The following RGPD8 variants were observed in gnomAD, a reference collection of about 807,000 sequenced individuals.
RGPD8 encodes RANBP2 like and GRIP domain containing 8.
A neutral mutation model predicts 89.1 loss-of-function variants in RGPD8; 15 were observed. The observed-to-expected ratio is 0.17, with a 90% CI of 0.11 to 0.26. The LOEUF (loss-of-function observed/expected upper bound fraction) is 0.26. Ranked by LOEUF, RGPD8 falls within the 10% of genes least tolerant of loss-of-function variation. RGPD8 has a pLI of 1.00. For missense variants in RGPD8, 178 were observed against 1,179.6 expected, an observed-to-expected ratio of 0.15 and a Z score of 12.44; for synonymous variants, 62 against 420.9, an observed-to-expected ratio of 0.15 and a Z score of 10.44.
intron 20 of RGPD8, among the ~76,000 whole-genome samples, chr2:112,382,187 C>T (rs1344512980): frequency 6.6e-6 from 1 of 152,306 alleles, no homozygotes; most frequent in Admixed American, 6.5e-5. Context: ...TGGACTGGCT[C>T]TCGTTGCTCC....
intron 3 of RGPD8, 134 bp from the exon 4 acceptor site, chr2:112,422,246 T>A (rs1346399804): frequency 1.8e-5 from 3 of 163,002 alleles, no homozygotes; most frequent in Admixed American, 1.4e-4. Flanking sequence ...GAAAACATGT[T>A]ACTTTAAAGG....
chr2:112,381,958 G>A (rs544296874), intron 20 of RGPD8, among the ~76,000 whole-genome samples: 1 of 152,306 alleles, frequency 6.6e-6, no homozygotes, highest in Admixed American at 6.5e-5. Flanking sequence ...TGTCTGTGAG[G>A]GTGTTGCCAA....
intron 7 of RGPD8, among the ~76,000 whole-genome samples, chr2:112,408,834 G>C (rs1679052197): frequency 6.6e-6 from 1 of 151,916 alleles, no homozygotes; most frequent in Admixed American, 6.5e-5. Context: ...ACCATGCGTG[G>C]CTAATTTTTG....
chr2:112,379,546 G>T (rs1678209819), intron 21 of RGPD8, among the ~76,000 whole-genome samples: 1 of 147,778 alleles, frequency 6.8e-6, no homozygotes, highest in African/African-American at 2.5e-5. Context: ...AGTGAGCTGA[G>T]ATTGCACCAC....
rs1466903324 is a variant in RGPD8, at chr2:112,369,932, T to TA, written c.*245dup. ...AGCATGCATGGGAGATCACATGAGTTAGAGGGCTGTGGCCTGGTATCAACA... is the reference window on the plus strand; with the variant it reads ...AGCATGCATGGGAGATCACATGAGTTAAGAGGGCTGTGGCCTGGTATCAACA... On this transcript the variant is annotated 3_prime_UTR_variant, in exon 23 of 23. Coordinates refer to ENST00000302558, the MANE Select transcript of RGPD8 (RefSeq NM_001164463.1). Among the ~76,000 whole-genome samples, 10 of 73,952 alleles carry TA rather than the reference T, an allele frequency of 1.4e-4. No individual in the cohort carries two copies. The highest frequency in any genetic ancestry group is 2.2e-4 in the Non-Finnish European group (9 of 40,932). The allele number at this position is 73,952 out of a possible 152,430, so 48.5% of individuals were successfully genotyped here.
At chr2:112,402,503 G>GAAAAGAAAAGAA (rs1678904299) in intron 9 of RGPD8, among the ~76,000 whole-genome samples, 1 of 151,882 alleles carries the variant, frequency 6.6e-6, no homozygotes, top group South Asian at 2.1e-4. Flanking sequence ...AACAAGAAAA[G>GAAAAGAAAAGAA]AAAAGAAAAG....
In RGPD8 at chr2:112,433,474, C is replaced by T. The variant is rs1243043804; in HGVS notation, c.-21G>A. 7 of 1,604,244 alleles carry T rather than the reference C, an allele frequency of 4.4e-6. No individual in the cohort carries two copies. The Middle Eastern group carries it at 6.8e-4, about 156-fold the overall frequency. ...CTCATCGCGCCGCCAACCTGGCTCC[C>T]GAGACGCGTGCGAGCACCGCTCAGC... On this transcript the variant is annotated 5_prime_UTR_variant, in exon 1 of 23. Coordinates refer to ENST00000302558, the MANE Select transcript of RGPD8 (RefSeq NM_001164463.1).
chr2:112,415,812 G>A (rs1679378800), intron 6 of RGPD8, among the ~76,000 whole-genome samples: 1 of 146,750 alleles, frequency 6.8e-6, no homozygotes, highest in African/African-American at 2.5e-5. Context: ...GAACCCAGGA[G>A]GCAGAGGTTG....
At chr2:112,427,559 C>T (rs867946420) in intron 1 of RGPD8, among the ~76,000 whole-genome samples, 1,875 of 152,142 alleles carry the variant, frequency 0.012, 37 homozygotes, top group African/African-American at 0.043. Flanking sequence ...GCCACATCAT[C>T]GCTATCTTGC....
rs1388599542 is a variant in RGPD8, at chr2:112,432,543, G to T, written c.72+839C>A. ...TGAGATGCCTACCTTGTCACTCGAC[G>T]CAGCCGCCAAAGCTCACCCGGAGCT... On this transcript the variant is annotated intron_variant, in intron 1 of 22. Transcript: ENST00000302558. 3 of 985,230 alleles carry T rather than the reference G, an allele frequency of 3.0e-6. No homozygotes were observed. The South Asian group carries it at 1.4e-4, about 46-fold the overall frequency. The allele number at this position is 985,230 out of a possible 1,614,324, so 61.0% of individuals were successfully genotyped here. A position where few individuals can be genotyped will look rare whatever the true frequency, so the allele number is the denominator to read the frequency against.
chr2:112,431,859 C>T (rs1286101536), intron 1 of RGPD8, among the ~76,000 whole-genome samples: 2 of 152,268 alleles, frequency 1.3e-5, no homozygotes, highest in East Asian at 1.9e-4. Context: ...AGGCTGGTCT[C>T]GAACTCCTGA....
At chr2:112,377,524 G>T (rs1678157472) in intron 22 of RGPD8, among the ~76,000 whole-genome samples, 1 of 93,170 alleles carries the variant, frequency 1.1e-5, no homozygotes, top group South Asian at 5.4e-4. Context: ...TGATCCGCCT[G>T]CCTCGGCCTC....
intron 22 of RGPD8, among the ~76,000 whole-genome samples, chr2:112,370,439 G>A (rs1192926194): frequency 9.4e-5 from 10 of 105,868 alleles, no homozygotes; most frequent in Admixed American, 6.4e-4. Flanking sequence ...GTGGCGTGAT[G>A]AGACTTCAAT....
intron 6 of RGPD8, among the ~76,000 whole-genome samples, chr2:112,416,222 A>G (rs1240375805): frequency 9.2e-5 from 14 of 152,250 alleles, no homozygotes; most frequent in Non-Finnish European, 1.8e-4. Flanking sequence ...ACAAAATAAA[A>G]CATCCTACAT....
chr2:112,419,655 T>C (rs1279522133), intron 4 of RGPD8, among the ~76,000 whole-genome samples: 2 of 151,876 alleles, frequency 1.3e-5, no homozygotes, highest in African/African-American at 4.8e-5. Flanking sequence ...AAAGAAAATC[T>C]TTAAAGAGTG....
chr2:112,431,710 C>T (rs909091331), intron 1 of RGPD8, among the ~76,000 whole-genome samples: 1 of 150,990 alleles, frequency 6.6e-6, no homozygotes, highest in African/African-American at 2.4e-5. Flanking sequence ...GATCTCGGCT[C>T]ACTAGAACCT....
intron 1 of RGPD8, among the ~76,000 whole-genome samples, chr2:112,429,728 G>A (rs71414642): frequency 0.13 from 20,247 of 152,182 alleles, 1,505 homozygotes; most frequent in Non-Finnish European, 0.16. Flanking sequence ...TGCAGAATAA[G>A]AAATCGACTT....
intron 1 of RGPD8, 40 bp downstream of exon 1, chr2:112,433,342 G>C (rs1434710739): frequency 1.6e-5 from 24 of 1,495,274 alleles, no homozygotes; most frequent in Admixed American, 2.0e-5. Context: ...GCCGCCGCCC[G>C]GCCGGGTCGA....
rs1258646906 is a variant in RGPD8 at position 112,387,508 on chromosome 2, C to T, written c.4921+516G>A. ...CCTGAGTAGCTGCTAATTATAGGCACGCACCACCATGCCCGGCTCATTTTT... is the reference window on the plus strand; with the variant it reads ...CCTGAGTAGCTGCTAATTATAGGCATGCACCACCATGCCCGGCTCATTTTT... On this transcript the variant is annotated intron_variant, in intron 20 of 22. Coordinates refer to ENST00000302558, the MANE Select transcript of RGPD8 (RefSeq NM_001164463.1). Among the ~76,000 whole-genome samples the T allele has an allele frequency of 2.9e-4, 39 of 133,444 alleles. 1 individual carries two copies. The highest frequency in any genetic ancestry group is 7.7e-3 in the Middle Eastern group (2 of 260). The allele number at this position is 133,444 out of a possible 152,430, so 87.5% of individuals were successfully genotyped here. A position where few individuals can be genotyped will look rare whatever the true frequency, so the allele number is the denominator to read the frequency against.
Sources: allele counts gnomAD v4.1 joint callset (sites outside exome capture counted in the v4.1 genomes callset), GRCh38; gene constraint gnomAD v4.1.1; transcripts MANE v1.5; gene names NCBI Gene and HGNC (gene_info 2026-07-23, HGNC 2026-07-21).